Variants in BORCS5 observed in about 807,000 individuals in gnomAD.
BORCS5 encodes the protein BLOC-1 related complex subunit 5, also known as BLOC-1-related complex subunit 5.
In BORCS5, 17 loss-of-function variants were observed where a neutral mutation model predicts 22.1. The observed-to-expected ratio is 0.77, with a 90% CI of 0.53 to 1.15. BORCS5 has a LOEUF of 1.15. BORCS5 is among the 50% of genes most tolerant of loss of function. BORCS5 has a pLI of 0.00. For missense variants in BORCS5, 247 were observed against 253.2 expected (o/e 0.98, Z 0.17); for synonymous variants, 117 against 99.8 (o/e 1.17, Z -1.03).
chr12:12,454,576 T>C (rs1229383857), intron 3 of BORCS5, among the ~76,000 whole-genome samples: 3 of 152,230 alleles, frequency 2.0e-5, no homozygotes, highest in African/African-American at 7.2e-5. Context: ...ATTGGGAGAA[T>C]TGGTAGTTCT....
intron 2 of BORCS5, among the ~76,000 whole-genome samples, chr12:12,378,564 C>CA (rs1334106359): frequency 7.0e-6 from 1 of 142,268 alleles, no homozygotes; most frequent in Non-Finnish European, 1.6e-5. Context: ...TTATAAGAGT[C>CA]AAAGTCTTGA....
chr12:12,453,432 G>T (rs945824300), intron 3 of BORCS5, among the ~76,000 whole-genome samples: 1 of 152,088 alleles, frequency 6.6e-6, no homozygotes, highest in Admixed American at 6.6e-5. Flanking sequence ...CCTTCCTTTA[G>T]GATTAAAAAT....
In BORCS5 at chr12:12,414,946, C is replaced by T. The variant is rs1368468376; in HGVS notation, c.203-20682C>T. ...GCAGAGGTGCTCCCCACATCTCAGA[C>T]GATGGGCGGCCGGGCAGAGACGCTC... is the stretch of plus-strand genomic sequence containing the variant. On this transcript the variant is annotated intron_variant, in intron 2 of 3. Transcript: ENST00000314565. Among the ~76,000 whole-genome samples the T allele has an allele frequency of 2.0e-4, 26 of 131,750 alleles. No individual in the cohort carries two copies. In the South Asian group the frequency reaches 6.1e-3, roughly 31 times the overall value. 86.4% of individuals were successfully genotyped at this position (131,750 alleles called of 152,430 possible). A position where few individuals can be genotyped will look rare whatever the true frequency, so the allele number is the denominator to read the frequency against.
intron 3 of BORCS5, among the ~76,000 whole-genome samples, chr12:12,438,135 C>CT (rs1056831319): frequency 1.1e-4 from 17 of 151,870 alleles, no homozygotes; most frequent in African/African-American, 4.1e-4. Context: ...GATGCTTATT[C>CT]TTTTTAAAAA....
At chr12:12,458,983 A>T (rs567494151) in intron 3 of BORCS5, among the ~76,000 whole-genome samples, 11 of 151,698 alleles carry the variant, frequency 7.3e-5, no homozygotes, top group Admixed American at 1.3e-4. Flanking sequence ...AAAAAGAATT[A>T]AAAAAAAGAG....
At chr12:12,366,110 T>G (rs1478874117) in intron 2 of BORCS5, among the ~76,000 whole-genome samples, 1 of 152,152 alleles carries the variant, frequency 6.6e-6, no homozygotes, top group Non-Finnish European at 1.5e-5. Flanking sequence ...TTTCCCCCTT[T>G]CCTGCTTTCA....
chr12:12,419,712 T>C (rs112029741), intron 2 of BORCS5, among the ~76,000 whole-genome samples: 1,871 of 152,332 alleles, frequency 0.012, 28 homozygotes, highest in South Asian at 0.028. Flanking sequence ...ACATGTTGTT[T>C]CATGACTTTT....
At chr12:12,404,388 C>T (rs144030589) in intron 2 of BORCS5, among the ~76,000 whole-genome samples, 1 of 152,276 alleles carries the variant, frequency 6.6e-6, no homozygotes, top group Admixed American at 6.5e-5. Flanking sequence ...TTGAGTGCTG[C>T]GTCTTCTAGA....
chr12:12,414,692 C>CCCG (rs1349622001), intron 2 of BORCS5, among the ~76,000 whole-genome samples: 1 of 120,744 alleles, frequency 8.3e-6, no homozygotes, highest in Non-Finnish European at 1.8e-5. Context: ...GGGGGCTGAC[C>CCCG]CCCCCCACCT....
chr12:12,398,496 A>G (rs1941399870), intron 2 of BORCS5, among the ~76,000 whole-genome samples: 1 of 152,176 alleles, frequency 6.6e-6, no homozygotes, highest in Non-Finnish European at 1.5e-5. Context: ...GATGTTTACC[A>G]TGTCCTCCCC....
At chr12:12,385,374 C>T (rs544385029) in intron 2 of BORCS5, among the ~76,000 whole-genome samples, 20 of 151,506 alleles carry the variant, frequency 1.3e-4, no homozygotes, top group Middle Eastern at 3.4e-3. Context: ...AGTCAGCAGC[C>T]GCTTCCTGCT....
intron 2 of BORCS5, among the ~76,000 whole-genome samples, chr12:12,395,435 A>ATTTTTTTTTTTTTT (rs59277387): frequency 2.1e-4 from 23 of 107,838 alleles, no homozygotes; most frequent in African/African-American, 6.9e-4. Context: ...CACCCAGCTA[A>ATTTTTTTTTTTTTT]TTTTTTTTTT....
rs552305683 is a variant in BORCS5, at chr12:12,455,772, C to T, written c.361-9774C>T. ...GCAGCATGGGCAACAGAGTGAGACTCGGTCTTAAAAAAAAAAAAAAAAGCA... is the reference window on the plus strand; with the variant it reads ...GCAGCATGGGCAACAGAGTGAGACTTGGTCTTAAAAAAAAAAAAAAAAGCA... On this transcript the variant is annotated intron_variant, in intron 3 of 3. Coordinates refer to ENST00000314565, the MANE Select transcript of BORCS5 (RefSeq NM_058169.6). Among the ~76,000 whole-genome samples the T allele has an allele frequency of 4.2e-3, 464 of 110,120 alleles. 7 individuals carry two copies. Among genetic ancestry groups the T allele is most frequent in the Non-Finnish European group, 2.5e-3 (137 of 54,084 alleles). The allele number at this position is 110,120 out of a possible 152,430, so 72.2% of individuals were successfully genotyped here.
Position 12,386,760 on chromosome 12 carries a change from G to A in BORCS5, c.202+25411G>A, listed in dbSNP as rs1036275616. Among the ~76,000 whole-genome samples the A allele has an allele frequency of 4.6e-5, 7 of 151,186 alleles. 2 individuals are homozygous for A. Among genetic ancestry groups the A allele is most frequent in the South Asian group, 2.1e-4 (1 of 4,774 alleles). The stretch of plus-strand genomic sequence containing the variant: ...GCTGGGATTACAGGTGCCAGCCACC[G>A]TGCCCGGCCTTTGCTCCTGTTCTTT... On this transcript the variant is annotated intron_variant, in intron 2 of 3. Coordinates refer to ENST00000314565, the MANE Select transcript of BORCS5 (RefSeq NM_058169.6).
chr12:12,418,215 T>G (rs1361078554), intron 2 of BORCS5, among the ~76,000 whole-genome samples: 1 of 150,578 alleles, frequency 6.6e-6, no homozygotes, highest in Non-Finnish European at 1.5e-5. Flanking sequence ...TTTTTTTTGT[T>G]TTTTTAGTGG....
intron 3 of BORCS5, among the ~76,000 whole-genome samples, chr12:12,443,434 C>T (rs568132329): frequency 1.3e-5 from 2 of 152,180 alleles, no homozygotes; most frequent in African/African-American, 4.8e-5. Flanking sequence ...TTTGGGCAAC[C>T]TTTCTTTTCT....
At chr12:12,427,509 G>C (rs1942318935) in intron 2 of BORCS5, among the ~76,000 whole-genome samples, 1 of 152,174 alleles carries the variant, frequency 6.6e-6, no homozygotes, top group South Asian at 2.1e-4. Flanking sequence ...GAAGAGAAGG[G>C]AGTGCCTTTG....
chr12:12,379,287 A>AT (rs1863725209), intron 2 of BORCS5, among the ~76,000 whole-genome samples: 1 of 149,994 alleles, frequency 6.7e-6, no homozygotes, highest in South Asian at 2.1e-4. Context: ...TGCTTGGCTA[A>AT]TTTTTGTATC....
chr12:12,384,277 T>C (rs1028734155), intron 2 of BORCS5, among the ~76,000 whole-genome samples: 3 of 150,872 alleles, frequency 2.0e-5, no homozygotes, highest in Non-Finnish European at 4.4e-5. Context: ...CCACCGTGCC[T>C]GGCCTGCTTT....
Sources: allele counts gnomAD v4.1 joint callset (sites outside exome capture counted in the v4.1 genomes callset), GRCh38; gene constraint gnomAD v4.1.1; transcripts MANE v1.5; gene names NCBI Gene and HGNC (gene_info 2026-07-23, HGNC 2026-07-21).